Variants in CCDC170 observed in about 807,000 individuals in gnomAD.
The protein encoded by CCDC170 is coiled-coil domain containing 170.
CCDC170 carries 69 observed loss-of-function variants against 72.6 expected under a neutral mutation model. That is an observed-to-expected ratio of 0.95 (90% CI 0.78 to 1.16). The LOEUF (loss-of-function observed/expected upper bound fraction) is 1.16. Ranked by LOEUF, CCDC170 falls within the 50% of genes most tolerant of loss-of-function variation. The pLI is 0.00. For missense variants in CCDC170, 852 were observed against 832.5 expected (o/e 1.02, Z -0.29); for synonymous variants, 300 against 303.9 (o/e 0.99, Z 0.13).
chr6:151,619,828 A>G lies in CCDC170; in HGVS notation c.*1681A>G, dbSNP rs1777031239. 6.6e-6 allele frequency: 1 copy of G among 152,206 alleles called. No individual in the cohort carries two copies. The highest frequency in any genetic ancestry group is 6.5e-5 in the Admixed American group (1 of 15,282). 9.4% of individuals were successfully genotyped at this position (152,206 alleles called of 1,614,324 possible). On this transcript the variant is annotated 3_prime_UTR_variant, in exon 11 of 11. Transcript: ENST00000239374. The stretch of plus-strand genomic sequence containing the variant: ...GAGAGAGACCTTGTCTCAAAAAACA[A>G]CAACAACAAAAAGTCAAAGTCATAA...
chr6:151,512,284 C>T (rs777015315), intron 1 of CCDC170, among the ~76,000 whole-genome samples: 8 of 151,614 alleles, frequency 5.3e-5, no homozygotes, highest in East Asian at 3.9e-4. Flanking sequence ...CTCAGCCTCC[C>T]GAGTATCTGG....
At chr6:151,494,783 G>A (rs1356982901) in intron 1 of CCDC170, among the ~76,000 whole-genome samples, 2 of 151,838 alleles carry the variant, frequency 1.3e-5, no homozygotes, top group African/African-American at 2.4e-5. Context: ...GCACACACGC[G>A]AACAGGCACA....
chr6:151,567,479 G>A (rs886975060), intron 5 of CCDC170, among the ~76,000 whole-genome samples: 6 of 152,054 alleles, frequency 3.9e-5, no homozygotes, highest in Non-Finnish European at 5.9e-5. Context: ...TAATCCACCT[G>A]CCTTGGCCTC....
intron 5 of CCDC170, among the ~76,000 whole-genome samples, chr6:151,558,144 C>T (rs1037160619): frequency 2.0e-5 from 3 of 150,558 alleles, no homozygotes; most frequent in Non-Finnish European, 2.9e-5. Context: ...GTATGTCTTT[C>T]GTGAACTTCT....
At chr6:151,503,471 A>C (rs1271064364) in intron 1 of CCDC170, among the ~76,000 whole-genome samples, 6 of 151,778 alleles carry the variant, frequency 4.0e-5, no homozygotes, top group African/African-American at 1.5e-4. Context: ...TATTTTTTTG[A>C]GGTGGAATCT....
intron 6 of CCDC170, among the ~76,000 whole-genome samples, chr6:151,575,214 T>A (rs555125449): frequency 6.6e-6 from 1 of 152,266 alleles, no homozygotes; most frequent in East Asian, 1.9e-4. Context: ...TTTCTTCTAT[T>A]GCTGTCGTGC....
At chr6:151,521,985 C>CAAA (rs34730093) in intron 1 of CCDC170, among the ~76,000 whole-genome samples, 2 of 78,292 alleles carry the variant, frequency 2.6e-5, no homozygotes, top group Non-Finnish European at 2.5e-5. Flanking sequence ...GACTCTGTCT[C>CAAA]AAAAAAAAAA....
At chr6:151,544,210 C>T (rs1782737567) in intron 3 of CCDC170, among the ~76,000 whole-genome samples, 1 of 152,092 alleles carries the variant, frequency 6.6e-6, no homozygotes, top group Non-Finnish European at 1.5e-5. Flanking sequence ...CCCATGAGGC[C>T]CCAATGAAGA....
chr6:151,581,142 A>G (rs1324438505), intron 6 of CCDC170, among the ~76,000 whole-genome samples: 2 of 152,196 alleles, frequency 1.3e-5, no homozygotes, highest in East Asian at 3.9e-4. Flanking sequence ...TTCTTAAAAT[A>G]AGACAACAAC....
intron 1 of CCDC170, among the ~76,000 whole-genome samples, chr6:151,496,918 A>G (rs1181354744): frequency 6.6e-6 from 1 of 152,238 alleles, no homozygotes; most frequent in Non-Finnish European, 1.5e-5. Context: ...CTGACAGAAT[A>G]AGTGCATATC....
intron 2 of CCDC170, among the ~76,000 whole-genome samples, chr6:151,536,773 CAAAAAAAAAAAAAAA>C (rs55663799): frequency 3.8e-5 from 3 of 79,260 alleles, no homozygotes; most frequent in African/African-American, 1.6e-4. Flanking sequence ...GACTCCATCT[CAAAAAAAAAAAAAAA>C]AAAAAAAAAA....
chr6:151,500,548 CA>C (rs1280865764), intron 1 of CCDC170, among the ~76,000 whole-genome samples: 1 of 150,512 alleles, frequency 6.6e-6, no homozygotes, highest in Non-Finnish European at 1.5e-5. Flanking sequence ...CACATTTAAA[CA>C]AAAAGATATG....
chr6:151,507,918 CA>C (rs11432845), intron 1 of CCDC170, among the ~76,000 whole-genome samples: 6,359 of 121,750 alleles, frequency 0.052, 250 homozygotes, highest in African/African-American at 0.13. Flanking sequence ...AGCTCCATCT[CA>C]AAAAAAAAAA....
intron 5 of CCDC170, among the ~76,000 whole-genome samples, chr6:151,550,837 C>T (rs1429086697): frequency 2.0e-5 from 3 of 152,070 alleles, no homozygotes; most frequent in Non-Finnish European, 4.4e-5. Flanking sequence ...GGCACTAATC[C>T]CATCGTGAGG....
At chr6:151,507,245 C>T (rs954934691) in intron 1 of CCDC170, among the ~76,000 whole-genome samples, 5 of 151,994 alleles carry the variant, frequency 3.3e-5, no homozygotes, top group African/African-American at 4.8e-5. Context: ...ACCAATCCAT[C>T]GGTGCTCACG....
intron 7 of CCDC170, 188 bp from the exon 8 acceptor site, chr6:151,592,919 G>T (rs1776564016): frequency 1.6e-6 from 1 of 613,388 alleles, no homozygotes; most frequent in Admixed American, 2.8e-5. Context: ...CAGACAAGGG[G>T]TAGGCAGGGA....
At chr6:151,559,730 G>A (rs1037495112) in intron 5 of CCDC170, among the ~76,000 whole-genome samples, 1 of 151,954 alleles carries the variant, frequency 6.6e-6, no homozygotes, top group Non-Finnish European at 1.5e-5. Flanking sequence ...TAGGATTTTC[G>A]GATACATAGA....
At chr6:151,505,198 C>T (rs1782049762) in intron 1 of CCDC170, among the ~76,000 whole-genome samples, 1 of 152,126 alleles carries the variant, frequency 6.6e-6, no homozygotes, top group East Asian at 1.9e-4. Context: ...AGGTTCCCTT[C>T]TCAGTGGCCT....
intron 5 of CCDC170, among the ~76,000 whole-genome samples, chr6:151,555,145 G>A (rs549585520): frequency 2.6e-5 from 4 of 151,948 alleles, no homozygotes; most frequent in Non-Finnish European, 4.4e-5. Flanking sequence ...GCCTCCCAAA[G>A]TGCTGGGATT....
Sources: allele counts gnomAD v4.1 joint callset (sites outside exome capture counted in the v4.1 genomes callset), GRCh38; gene constraint gnomAD v4.1.1; transcripts MANE v1.5; gene names NCBI Gene and HGNC (gene_info 2026-07-23, HGNC 2026-07-21).